PHF21B: variants seen among roughly 807,000 people sequenced by gnomAD.
PHF21B encodes PHD finger protein 21B.
A neutral mutation model predicts 62.2 loss-of-function variants in PHF21B; 22 were observed. The ratio of observed to expected loss-of-function variants is 0.35; its 90% CI spans 0.25 to 0.51. The LOEUF (loss-of-function observed/expected upper bound fraction) is 0.51, where lower values mean the gene tolerates loss of function less well. Among genes scored for constraint, PHF21B ranks in the 20% least tolerant of loss-of-function variants. PHF21B has a pLI of 0.97. For synonymous variants in PHF21B, 341 were observed against 314.7 expected (o/e 1.08, Z -0.88); for missense variants, 701 against 707.9 (o/e 0.99, Z 0.11).
intron 5 of PHF21B, among the ~76,000 whole-genome samples, chr22:44,896,570 G>A (rs1163620616): frequency 1.3e-5 from 2 of 152,164 alleles, no homozygotes; most frequent in Admixed American, 6.5e-5. Flanking sequence ...ACACGTCACT[G>A]GTTCATAACA....
chr22:44,986,521 C>CAA (rs3063310), intron 2 of PHF21B, among the ~76,000 whole-genome samples: 28 of 85,836 alleles, frequency 3.3e-4, no homozygotes, highest in South Asian at 1.8e-3. Context: ...GATCTTATTT[C>CAA]AAAAAAAAAA....
At chr22:44,929,253 C>T (rs1401934748) in intron 2 of PHF21B, among the ~76,000 whole-genome samples, 3 of 152,206 alleles carry the variant, frequency 2.0e-5, no homozygotes, top group Non-Finnish European at 4.4e-5. Flanking sequence ...ATCCAACTGC[C>T]GCCTTTATCA....
At chr22:44,992,103 T>C (rs2073051281) in intron 2 of PHF21B, among the ~76,000 whole-genome samples, 1 of 152,214 alleles carries the variant, frequency 6.6e-6, no homozygotes, top group Non-Finnish European at 1.5e-5. Context: ...GGGCAGACTG[T>C]TCTCTCAGTG....
chr22:44,906,573 C>A (rs1185689074), intron 5 of PHF21B, among the ~76,000 whole-genome samples: 1 of 152,234 alleles, frequency 6.6e-6, no homozygotes, highest in African/African-American at 2.4e-5. Flanking sequence ...CAATGGCTGG[C>A]CCCAGAGAGG....
chr22:44,978,446 G>A (rs535042678), intron 2 of PHF21B, among the ~76,000 whole-genome samples: 6 of 152,300 alleles, frequency 3.9e-5, no homozygotes, highest in South Asian at 2.1e-4. Context: ...TGCCACCTCC[G>A]CTTCCCGGGT....
chr22:44,985,591 C>T (rs990375989), intron 2 of PHF21B, among the ~76,000 whole-genome samples: 1 of 147,706 alleles, frequency 6.8e-6, no homozygotes, highest in African/African-American at 2.5e-5. Flanking sequence ...AAACAAGACC[C>T]ATCTCTCAAA....
intron 2 of PHF21B, among the ~76,000 whole-genome samples, chr22:44,953,466 T>C (rs1053572015): frequency 6.6e-6 from 1 of 152,202 alleles, no homozygotes; most frequent in Non-Finnish European, 1.5e-5. Context: ...TTTCGTTTTA[T>C]TTTTCCTGCT....
Position 45,008,560 on chromosome 22 carries a change from C to A in PHF21B, c.105G>T (p.Ala35=). The change falls in exon 2 of 13, where the codon GCG becomes GCT. Residue 35 remains alanine (A), a synonymous_variant. Transcript: ENST00000313237. ...CATCGCTTACTTGTTTGTCGCTGAGCGCGGCGATCCGCGGCTGCCTTTCGT... is the reference window on the plus strand; with the variant it reads ...CATCGCTTACTTGTTTGTCGCTGAGAGCGGCGATCCGCGGCTGCCTTTCGT... ...QLHERQPRIA[A]LSDKQALGTI... is the part of the protein sequence containing the mutation. The A allele has an allele frequency of 6.3e-7, 1 of 1,584,492 alleles. No homozygotes were observed.
intron 2 of PHF21B, among the ~76,000 whole-genome samples, chr22:44,943,711 C>T (rs2072008234): frequency 6.6e-6 from 1 of 152,164 alleles, no homozygotes; most frequent in African/African-American, 2.4e-5. Context: ...GGGCACATGA[C>T]AGCGACTCCT....
chr22:44,904,431 G>C (rs2071214069), intron 5 of PHF21B, among the ~76,000 whole-genome samples: 1 of 152,156 alleles, frequency 6.6e-6, no homozygotes, highest in African/African-American at 2.4e-5. Flanking sequence ...TGGTCTGTGG[G>C]TGATAAAACC....
At chr22:44,984,200 C>T (rs1297126300) in intron 2 of PHF21B, among the ~76,000 whole-genome samples, 7 of 125,806 alleles carry the variant, frequency 5.6e-5, no homozygotes, top group East Asian at 2.9e-4. Flanking sequence ...ATCACCACCA[C>T]TACCACCATC....
intron 2 of PHF21B, among the ~76,000 whole-genome samples, chr22:44,944,971 G>A (rs933659745): frequency 2.7e-5 from 3 of 112,772 alleles, no homozygotes; most frequent in Non-Finnish European, 5.5e-5. Flanking sequence ...GAATTAGAGC[G>A]ATCCTTACCT....
intron 2 of PHF21B, among the ~76,000 whole-genome samples, chr22:44,962,575 G>C (rs1214826007): frequency 6.6e-6 from 1 of 152,212 alleles, no homozygotes; most frequent in Non-Finnish European, 1.5e-5. Context: ...TTTGCACCAT[G>C]ATAGAGTCAC....
At chr22:44,922,588 C>T (rs1183117391) in intron 2 of PHF21B, among the ~76,000 whole-genome samples, 5 of 151,990 alleles carry the variant, frequency 3.3e-5, no homozygotes, top group African/African-American at 1.2e-4. Flanking sequence ...GCCGAGATCA[C>T]ACCACTGCAC....
At chr22:44,916,180 T>A in intron 4 of PHF21B, 100 bp downstream of exon 4, 3 of 1,165,316 alleles carry the variant, frequency 2.6e-6, no homozygotes, top group Non-Finnish European at 3.6e-6. Flanking sequence ...TGGTCATTCA[T>A]CCTGCCTGGG....
chr22:44,906,260 G>C (rs762981584), intron 5 of PHF21B, among the ~76,000 whole-genome samples: 4 of 152,164 alleles, frequency 2.6e-5, no homozygotes, highest in African/African-American at 7.2e-5. Flanking sequence ...TGATGGACGG[G>C]GTGCTTGGAT....
chr22:44,949,301 C>CAAAAAAA (rs1173438062), intron 2 of PHF21B, among the ~76,000 whole-genome samples: 1,074 of 39,184 alleles, frequency 0.027, 2 homozygotes, highest in Non-Finnish European at 0.047. Flanking sequence ...AACTCCATCT[C>CAAAAAAA]AAAAAAAAGA....
chr22:44,953,210 G>A (rs942509173), intron 2 of PHF21B, among the ~76,000 whole-genome samples: 1 of 152,174 alleles, frequency 6.6e-6, no homozygotes, highest in Non-Finnish European at 1.5e-5. Flanking sequence ...GGCTCTCACA[G>A]GTCTGACTCC....
intron 2 of PHF21B, among the ~76,000 whole-genome samples, chr22:44,948,039 G>A (rs1045733677): frequency 4.5e-5 from 4 of 89,440 alleles, no homozygotes; most frequent in African/African-American, 8.5e-5. Flanking sequence ...CCGTTCGGAC[G>A]TGATGCTGCC....
Sources: gnomAD v4.1 joint callset for allele counts (sites outside exome capture counted in the v4.1 genomes callset) on GRCh38, gnomAD v4.1.1 for gene constraint, MANE v1.5 for transcripts, NCBI Gene and HGNC (gene_info 2026-07-23, HGNC 2026-07-21) for gene names.